Variants in BCAR3 observed in about 807,000 individuals in gnomAD.
BCAR3 encodes BCAR3 adaptor protein, NSP family member, also known as breast cancer anti-estrogen resistance protein 3.
Under a neutral mutation model 80.1 loss-of-function variants are expected in BCAR3, and 37 were observed. That is an observed-to-expected ratio of 0.46 (90% CI 0.36 to 0.61). The LOEUF (loss-of-function observed/expected upper bound fraction) is 0.61. BCAR3 is among the 20% of genes least tolerant of loss of function. BCAR3 has a pLI of 0.00. For missense variants in BCAR3, 978 were observed against 1,068.2 expected (o/e 0.92, Z 1.18); for synonymous variants, 389 against 418.9 (o/e 0.93, Z 0.87).
At chr1:93,615,754 C>A (rs1298607444) in intron 3 of BCAR3, among the ~76,000 whole-genome samples, 3 of 152,164 alleles carry the variant, frequency 2.0e-5, no homozygotes, top group South Asian at 2.1e-4. Flanking sequence ...CAGGCCCAGG[C>A]CCCAGCAGTT....
At chr1:93,613,325 G>A (rs1228760328) in intron 3 of BCAR3, among the ~76,000 whole-genome samples, 2 of 152,200 alleles carry the variant, frequency 1.3e-5, no homozygotes, top group Non-Finnish European at 2.9e-5. Context: ...TGGCACCGGT[G>A]TCTTATAACA....
chr1:93,672,159 C>A (rs1466545740), intron 2 of BCAR3, among the ~76,000 whole-genome samples: 1 of 152,198 alleles, frequency 6.6e-6, no homozygotes, highest in Non-Finnish European at 1.5e-5. Context: ...AACTCAGGAC[C>A]TGCACCCACC....
chr1:93,717,807 G>GC (rs1650243487), intron 2 of BCAR3, among the ~76,000 whole-genome samples: 1 of 152,110 alleles, frequency 6.6e-6, no homozygotes, highest in Non-Finnish European at 1.5e-5. Flanking sequence ...TTCCTTTGCA[G>GC]GGTTGTTATT....
chr1:93,631,355 T>TG (rs1675613437), intron 3 of BCAR3, among the ~76,000 whole-genome samples: 1 of 152,198 alleles, frequency 6.6e-6, no homozygotes, highest in Non-Finnish European at 1.5e-5. Context: ...TCACAGTTAC[T>TG]GGGGGTTAAG....
At chr1:93,620,989 A>G (rs1675288854) in intron 3 of BCAR3, among the ~76,000 whole-genome samples, 1 of 152,192 alleles carries the variant, frequency 6.6e-6, no homozygotes, top group Non-Finnish European at 1.5e-5. Context: ...CCACCTAGAA[A>G]GGCTGCCAAG....
intron 5 of BCAR3, chr1:93,585,154 G>T: frequency 1.0e-6 from 1 of 985,466 alleles, no homozygotes; most frequent in Non-Finnish European, 1.2e-6. Context: ...GAACGGCAGG[G>T]TGTGGAATGC....
intron 3 of BCAR3, among the ~76,000 whole-genome samples, chr1:93,628,533 G>A (rs1219907377): frequency 2.0e-5 from 3 of 152,154 alleles, no homozygotes; most frequent in Non-Finnish European, 4.4e-5. Flanking sequence ...GTTCCTCCAT[G>A]GAAGAGGCGG....
chr1:93,801,874 C>A (rs1281699669), intron 2 of BCAR3, among the ~76,000 whole-genome samples: 1 of 152,134 alleles, frequency 6.6e-6, no homozygotes, highest in African/African-American at 2.4e-5. Context: ...AATCCCAGCA[C>A]TTTGGGAGGC....
intron 3 of BCAR3, chr1:93,614,079 C>T: frequency 2.1e-6 from 3 of 1,430,258 alleles, no homozygotes; most frequent in South Asian, 1.6e-5. Context: ...TGAGTCGGCT[C>T]CTTCTCCCAG....
intron 3 of BCAR3, among the ~76,000 whole-genome samples, chr1:93,625,882 C>T (rs969358997): frequency 1.3e-5 from 2 of 152,184 alleles, no homozygotes; most frequent in Admixed American, 1.3e-4. Context: ...CAGGAGAATG[C>T]GCACTTCCAG....
chr1:93,847,055 G>C lies in BCAR3; in HGVS notation c.-209+15C>G, dbSNP rs1413624507. On this transcript the variant is annotated intron_variant, in intron 1 of 13. Transcript: ENST00000370244. ...GCGAGGGAAGAGCCCAGGCCCGAGAGGGGTCGCCGCTTACGTCTCGCAGCC... is the reference window on the plus strand; with the variant it reads ...GCGAGGGAAGAGCCCAGGCCCGAGACGGGTCGCCGCTTACGTCTCGCAGCC... The C allele has an allele frequency of 5.0e-5, 12 of 240,764 alleles. No individual in the cohort carries two copies. The East Asian group carries it at 2.0e-3, about 40-fold the overall frequency. The allele number at this position is 240,764 out of a possible 1,614,324, so 14.9% of individuals were successfully genotyped here.
chr1:93,612,665 T>C (rs1330253615), intron 3 of BCAR3, among the ~76,000 whole-genome samples: 1 of 152,208 alleles, frequency 6.6e-6, no homozygotes, highest in South Asian at 2.1e-4. Flanking sequence ...TTTAAAATAC[T>C]GTTAATGGCA....
At chr1:93,696,789 T>G (rs1243737566) in intron 3 of BCAR3, among the ~76,000 whole-genome samples, 1 of 152,178 alleles carries the variant, frequency 6.6e-6, no homozygotes, top group Non-Finnish European at 1.5e-5. Flanking sequence ...TCTAACCAAC[T>G]CCCATCCCTT....
At chr1:93,599,447 G>A (rs1260170878) in intron 3 of BCAR3, 2 of 152,206 alleles carry the variant, frequency 1.3e-5, no homozygotes, top group Admixed American at 6.5e-5. Context: ...ACCCAGAAAC[G>A]CAGGGACTGG....
At position 93,567,732 on chromosome 1, in the gene BCAR3, G is replaced by A. The variant is rs758665754; in HGVS notation, c.2086+8C>T. 21 of 1,610,248 alleles carry A rather than the reference G, an allele frequency of 1.3e-5. No individual in the cohort carries two copies. The highest frequency in any genetic ancestry group is 1.6e-5 in the Non-Finnish European group (19 of 1,176,698). On this transcript the variant is annotated splice_region_variant and intron_variant, in intron 10 of 11. Transcript: ENST00000260502. Reference sequence around the variant, plus strand: ...GTAGCCCCATGCTTGCTCTGCCCACGTGCTCACCTCTGCCTTCATGCAGGA... The same window carrying A: ...GTAGCCCCATGCTTGCTCTGCCCACATGCTCACCTCTGCCTTCATGCAGGA...
chr1:93,719,131 G>A (rs1297184747), intron 2 of BCAR3, among the ~76,000 whole-genome samples: 1 of 151,916 alleles, frequency 6.6e-6, no homozygotes, highest in Non-Finnish European at 1.5e-5. Flanking sequence ...AATCGTTTCT[G>A]GGTGAAAGGG....
intron 7 of BCAR3, among the ~76,000 whole-genome samples, chr1:93,578,047 A>G (rs1449862717): frequency 1.3e-5 from 2 of 152,212 alleles, no homozygotes; most frequent in Non-Finnish European, 2.9e-5. Flanking sequence ...TGTCTAGAGC[A>G]TTTACTGTGA....
chr1:93,836,544 C>CCA (rs1383785764), intron 2 of BCAR3, among the ~76,000 whole-genome samples: 2 of 152,110 alleles, frequency 1.3e-5, no homozygotes, highest in Non-Finnish European at 2.9e-5. Context: ...AGTTCCCACA[C>CCA]CACCCCTAAT....
At chr1:93,635,384 T>A (rs537660586) in intron 3 of BCAR3, among the ~76,000 whole-genome samples, 1 of 152,322 alleles carries the variant, frequency 6.6e-6, no homozygotes, top group African/African-American at 2.4e-5. Context: ...TAGACTTTTA[T>A]ACGGACATGT....
Sources: gnomAD v4.1 joint callset for allele counts (sites outside exome capture counted in the v4.1 genomes callset) on GRCh38, gnomAD v4.1.1 for gene constraint, MANE v1.5 for transcripts, NCBI Gene and HGNC (gene_info 2026-07-23, HGNC 2026-07-21) for gene names.